Variants in SNCAIP observed in about 807,000 individuals in gnomAD.
SNCAIP encodes the protein synphilin-1.
In SNCAIP, 43 loss-of-function variants were observed where a neutral mutation model predicts 86.7. That is an observed-to-expected ratio of 0.50 (90% confidence interval 0.39 to 0.64). The LOEUF (loss-of-function observed/expected upper bound fraction) is 0.64, where lower values mean the gene tolerates loss of function less well. Ranked by LOEUF, SNCAIP falls within the 30% of genes least tolerant of loss-of-function variation. SNCAIP has a pLI of 0.00. For missense variants in SNCAIP, 981 were observed against 1,103.1 expected, an observed-to-expected ratio of 0.89 and a Z score of 1.57; for synonymous variants, 417 against 427.2, an observed-to-expected ratio of 0.98 and a Z score of 0.29.
In SNCAIP at chr5:122,322,916, C is replaced by G. The variant is rs1441645241; in HGVS notation, c.-47+10632C>G. On this transcript the variant is annotated intron_variant, in intron 1 of 10. Transcript: ENST00000261368. ...TGGGATTCTTAAAAAAGAATTCGTGCCTCTTTGCAACTAAAATATATTTCT... is the reference window on the plus strand; with the variant it reads ...TGGGATTCTTAAAAAAGAATTCGTGGCTCTTTGCAACTAAAATATATTTCT... Among the ~76,000 whole-genome samples the G allele has an allele frequency of 2.0e-5, 3 of 152,128 alleles. No homozygotes were observed. In the East Asian group the frequency reaches 5.8e-4, roughly 29 times the overall value.
At chr5:122,428,442 A>C (rs746491553) in intron 5 of SNCAIP, among the ~76,000 whole-genome samples, 1 of 152,174 alleles carries the variant, frequency 6.6e-6, no homozygotes, top group Non-Finnish European at 1.5e-5. Flanking sequence ...GCCTCCTTGA[A>C]TAACTAGAAC....
chr5:122,455,244 G>C (rs1784512823), intron 10 of SNCAIP, among the ~76,000 whole-genome samples: 1 of 152,166 alleles, frequency 6.6e-6, no homozygotes. Context: ...ATCACACACA[G>C]ACAGAGAGAA....
chr5:122,311,944 G>T (rs1473000841), upstream of SNCAIP: 5 of 149,718 alleles, frequency 3.3e-5, no homozygotes, highest in Admixed American at 1.3e-4. Flanking sequence ...GCGGCCGCAG[G>T]GGCGCAGCGC....
chr5:122,384,143 C>T (rs1767589943), intron 1 of SNCAIP, among the ~76,000 whole-genome samples: 1 of 152,158 alleles, frequency 6.6e-6, no homozygotes, highest in Admixed American at 6.5e-5. Context: ...GGTTCAAAGA[C>T]ACACCCATGA....
chr5:122,444,346 C>G, intron 7 of SNCAIP: 6 of 605,408 alleles, frequency 9.9e-6, no homozygotes, highest in East Asian at 3.1e-5. Flanking sequence ...CTCCTCCTCT[C>G]CTTCCCAGCC....
At chr5:122,431,248 C>T (rs1344443722) in intron 5 of SNCAIP, among the ~76,000 whole-genome samples, 2 of 151,882 alleles carry the variant, frequency 1.3e-5, no homozygotes, top group Non-Finnish European at 2.9e-5. Context: ...TCAGAAATTT[C>T]GTTATTTACC....
At chr5:122,420,423 CGTT>C (rs1396423159) in intron 3 of SNCAIP, among the ~76,000 whole-genome samples, 1 of 152,054 alleles carries the variant, frequency 6.6e-6, no homozygotes, top group Non-Finnish European at 1.5e-5. Flanking sequence ...ACAATGCACT[CGTT>C]GTATTGACCT....
At position 122,403,875 on chromosome 5, in the gene SNCAIP, G is replaced by A. The variant is rs750666309; in HGVS notation, c.130+10G>A. The A allele has an allele frequency of 1.2e-6, 2 of 1,607,070 alleles. No homozygotes were observed. Among genetic ancestry groups the A allele is most frequent in the South Asian group, 2.2e-5 (2 of 90,936 alleles). On this transcript the variant is annotated intron_variant, in intron 3 of 10. Transcript: ENST00000261368. The stretch of plus-strand genomic sequence containing the variant: ...AACGAAGACAGATCAGGTAGGTTTT[G>A]CTCCTCCCCTCTTCTCCTTATCCTG...
chr5:122,412,805 C>A (rs1269762836), intron 3 of SNCAIP, among the ~76,000 whole-genome samples: 1 of 152,224 alleles, frequency 6.6e-6, no homozygotes, highest in Non-Finnish European at 1.5e-5. Context: ...CAGACTCTCT[C>A]CTCAGTGAAC....
chr5:122,438,147 G>A (rs1354862881), intron 6 of SNCAIP, among the ~76,000 whole-genome samples: 1 of 152,164 alleles, frequency 6.6e-6, no homozygotes, highest in Non-Finnish European at 1.5e-5. Context: ...AATACAGCAG[G>A]TCCTTACATT....
intron 1 of SNCAIP, among the ~76,000 whole-genome samples, chr5:122,342,380 C>T (rs1757769365): frequency 6.6e-6 from 1 of 152,080 alleles, no homozygotes. Flanking sequence ...ATTACCACTG[C>T]AGGCTTCCTG....
At chr5:122,408,466 A>G (rs543735346) in intron 3 of SNCAIP, among the ~76,000 whole-genome samples, 2 of 152,292 alleles carry the variant, frequency 1.3e-5, no homozygotes, top group Non-Finnish European at 2.9e-5. Context: ...CCTGGAAGTC[A>G]TCTCCTTGCA....
At chr5:122,399,115 C>A (rs1771236372) in intron 2 of SNCAIP, among the ~76,000 whole-genome samples, 1 of 152,126 alleles carries the variant, frequency 6.6e-6, no homozygotes, top group Non-Finnish European at 1.5e-5. Flanking sequence ...CCCAGCTCGA[C>A]CCCTCTCTTC....
intron 1 of SNCAIP, among the ~76,000 whole-genome samples, chr5:122,351,878 G>A (rs909852112): frequency 2.6e-5 from 4 of 152,104 alleles, no homozygotes; most frequent in Non-Finnish European, 4.4e-5. Context: ...TAGGAGGAGG[G>A]GTTTGTCAGT....
chr5:122,313,184 G>T (rs1383848084), intron 1 of SNCAIP, among the ~76,000 whole-genome samples: 5 of 152,228 alleles, frequency 3.3e-5, no homozygotes, highest in African/African-American at 1.2e-4. Context: ...TGGGAACGTT[G>T]CTTTCCTTGG....
rs149518135 is a variant in SNCAIP at position 122,376,363 on chromosome 5, C to T, written c.-46-14726C>T. 4.5e-3 allele frequency among the ~76,000 whole-genome samples: 679 copies of T among 152,164 alleles called. 2 individuals carry two copies. Among genetic ancestry groups the T allele is most frequent in the Non-Finnish European group, 6.1e-3 (415 of 67,994 alleles). Reference sequence around the variant, plus strand: ...TTGCAAAATCAAAATAAAGCATAACCATTTCAGGTGTGCCAAAATTTGGAA... The same window carrying T: ...TTGCAAAATCAAAATAAAGCATAACTATTTCAGGTGTGCCAAAATTTGGAA... On this transcript the variant is annotated intron_variant, in intron 1 of 10. Coordinates refer to ENST00000261368, the MANE Select transcript of SNCAIP (RefSeq NM_005460.4).
intron 1 of SNCAIP, among the ~76,000 whole-genome samples, chr5:122,366,881 T>C (rs1763306253): frequency 6.6e-6 from 1 of 152,140 alleles, no homozygotes; most frequent in Non-Finnish European, 1.5e-5. Flanking sequence ...CTCCTAGAAT[T>C]ATTTTTTAGA....
intron 1 of SNCAIP, among the ~76,000 whole-genome samples, chr5:122,365,777 A>G (rs1422438896): frequency 6.6e-6 from 1 of 152,194 alleles, no homozygotes; most frequent in African/African-American, 2.4e-5. Flanking sequence ...GTCTATGCCA[A>G]ACTCTGTGCT....
At chr5:122,412,691 A>C (rs1047580019) in intron 3 of SNCAIP, among the ~76,000 whole-genome samples, 1 of 152,132 alleles carries the variant, frequency 6.6e-6, no homozygotes, top group Non-Finnish European at 1.5e-5. Flanking sequence ...AATCCCCGCC[A>C]TACTCCAGCC....
Sources: gnomAD v4.1 joint callset for allele counts (sites outside exome capture counted in the v4.1 genomes callset) on GRCh38, gnomAD v4.1.1 for gene constraint, MANE v1.5 for transcripts, NCBI Gene and HGNC (gene_info 2026-07-23, HGNC 2026-07-21) for gene names.